The following LTBP3 variants were observed in gnomAD, a reference collection of about 807,000 sequenced individuals.
LTBP3 encodes the protein latent-transforming growth factor beta-binding protein 3.
LTBP3 carries 97 observed loss-of-function variants against 159.7 expected under a neutral mutation model. The observed-to-expected ratio is 0.61, with a 90% CI of 0.52 to 0.72. The LOEUF (loss-of-function observed/expected upper bound fraction) is 0.72, where lower values mean the gene tolerates loss of function less well. Among genes scored for constraint, LTBP3 ranks in the 30% least tolerant of loss-of-function variants. The pLI is 0.00. For synonymous variants in LTBP3, 824 were observed against 777.1 expected, an observed-to-expected ratio of 1.06 and a Z score of -1.00; for missense variants, 1,584 against 1,864.3, an observed-to-expected ratio of 0.85 and a Z score of 2.77.
At position 65,547,832 on chromosome 11, in the gene LTBP3, C is replaced by T; in HGVS notation, c.1847-11G>A. 1 of 1,613,232 alleles carries T rather than the reference C, an allele frequency of 6.2e-7. No homozygotes were observed. Among genetic ancestry groups the T allele is most frequent in the Non-Finnish European group, 8.5e-7 (1 of 1,179,916 alleles). ...CGCACTCGTTCACATCTGAGAAGAA[C>T]GGGTAGGCCAAGAAAAGTCAAAGGA... On this transcript the variant is annotated splice_polypyrimidine_tract_variant and intron_variant, in intron 12 of 27. Coordinates refer to ENST00000301873, the MANE Select transcript of LTBP3 (RefSeq NM_001130144.3). The surrounding 1 kb of genome is among the most constrained non-coding windows in gnomAD (Gnocchi z 4.6).
chr11:65,548,911 T>C (rs11601767), intron 11 of LTBP3: 63,481 of 151,984 alleles, frequency 0.42, 15,750 homozygotes, highest in African/African-American at 0.7. Context: ...GCCCTAACCC[T>C]AGGAGCTCAT....
At position 65,553,602 on chromosome 11, in the gene LTBP3, TC is replaced by T. The variant is rs1443585713; in HGVS notation, c.865-73del. The T allele has an allele frequency of 1.4e-5, 21 of 1,509,414 alleles. No homozygotes were observed. The East Asian group carries it at 4.3e-4, about 31-fold the overall frequency. The allele number at this position is 1,509,414 out of a possible 1,614,324, so 93.5% of individuals were successfully genotyped here. ...TGCCGCCTGTTAGGGTTGGGCCTTT[TC>T]CTCTTCCCCCGCCCCTCAGTTTTCT... is the stretch of plus-strand genomic sequence containing the variant. On this transcript the variant is annotated intron_variant, in intron 3 of 27. Transcript: ENST00000301873. This position sits in a 1 kb window ranked among gnomAD's most constrained non-coding sequence, Gnocchi z 6.5.
chr11:65,553,933 G>T lies in LTBP3; in HGVS notation c.662-30C>A, dbSNP rs893189892. The T allele has an allele frequency of 5.3e-6, 8 of 1,512,624 alleles. No individual in the cohort carries two copies. In the African/African-American group the frequency reaches 6.9e-5, roughly 13 times the overall value. The allele number at this position is 1,512,624 out of a possible 1,614,324, so 93.7% of individuals were successfully genotyped here. A position where few individuals can be genotyped will look rare whatever the true frequency, so the allele number is the denominator to read the frequency against. Reference sequence around the variant, plus strand: ...GGGCGGGCGCGGTGGCCTCAGGGCTGCCCGCACCGCGCCGCGGGTCACCGC... The same window carrying T: ...GGGCGGGCGCGGTGGCCTCAGGGCTTCCCGCACCGCGCCGCGGGTCACCGC... On this transcript the variant is annotated intron_variant, in intron 2 of 27. Transcript: ENST00000301873. This position sits in a 1 kb window ranked among gnomAD's most constrained non-coding sequence, Gnocchi z 6.5.
At chr11:65,555,741 G>C (rs994635690) in intron 1 of LTBP3, among the ~76,000 whole-genome samples, 6 of 152,106 alleles carry the variant, frequency 3.9e-5, no homozygotes, top group African/African-American at 1.4e-4. Flanking sequence ...ACCAGCCTTG[G>C]GGCTCTGACT....
Position 65,551,052 on chromosome 11 carries a change from G to T in LTBP3, c.1720+74C>A, listed in dbSNP as rs147421285. ...CCTATTAGCGCTAGGGAATGCCTGGGGGCGGGAGGGAGGAGAGAAAACTAA... is the reference window on the plus strand; with the variant it reads ...CCTATTAGCGCTAGGGAATGCCTGGTGGCGGGAGGGAGGAGAGAAAACTAA... On this transcript the variant is annotated intron_variant, in intron 11 of 27. Transcript: ENST00000301873. 18 of 1,217,936 alleles carry T rather than the reference G, an allele frequency of 1.5e-5. No homozygotes were observed. The Middle Eastern group carries it at 5.9e-4, about 40-fold the overall frequency. 75.4% of individuals were successfully genotyped at this position (1,217,936 alleles called of 1,614,324 possible).
intron 27 of LTBP3, 26 bp from the exon 28 acceptor site, chr11:65,539,257 C>T (rs768183945): frequency 3.9e-5 from 60 of 1,521,304 alleles, no homozygotes; most frequent in Non-Finnish European, 5.1e-5. Context: ...ACAGGTGCGG[C>T]TTCGCTGAGC....
In LTBP3 at chr11:65,540,641, C is replaced by G. The variant is rs1385848231; in HGVS notation, c.2978-27G>C. On this transcript the variant is annotated intron_variant, in intron 21 of 27. Coordinates refer to ENST00000301873, the MANE Select transcript of LTBP3 (RefSeq NM_001130144.3). ...TGCGGGGTGACAAACACTGGCCGCTCCGGTCCCGCAGCTGCAGCCCGGAGG... is the reference window on the plus strand; with the variant it reads ...TGCGGGGTGACAAACACTGGCCGCTGCGGTCCCGCAGCTGCAGCCCGGAGG... 2.5e-6 allele frequency: 4 copies of G among 1,597,056 alleles called. No homozygotes were observed. The South Asian group carries it at 4.4e-5, about 18-fold the overall frequency.
Position 65,554,191 on chromosome 11 carries a change from G to A in LTBP3, c.521C>T (p.Pro174Leu), listed in dbSNP as rs1417836408. ...LSTGALPPLA[P>L]EGDSVASKHA... ...CTTGCTGGCCACAGAGTCGCCCTCC[G>A]GAGCCAGGGGCGGCAGCGCCCCTGT... The change falls in exon 2 of 28, where the codon CCG becomes CTG. Residue 174 changes from proline to leucine, a missense_variant. By Grantham distance (98) the Pro-to-Leu change is moderately conservative (BLOSUM62 -3). Coordinates refer to ENST00000301873, the MANE Select transcript of LTBP3 (RefSeq NM_001130144.3). This position sits in a 1 kb window ranked among gnomAD's most constrained non-coding sequence, Gnocchi z 5.3. The A allele has an allele frequency of 1.9e-5, 30 of 1,611,382 alleles. No individual in the cohort carries two copies. The highest frequency in any genetic ancestry group is 2.3e-5 in the Non-Finnish European group (27 of 1,179,540).
chr11:65,538,844 T>G lies in LTBP3; in HGVS notation c.*236A>C. Reference sequence around the variant, plus strand: ...AAAGAGGCACGATCTGATTTATCAGTTTCTAGGAAACACCCTCTGGGAGGA... The same window carrying G: ...AAAGAGGCACGATCTGATTTATCAGGTTCTAGGAAACACCCTCTGGGAGGA... On this transcript the variant is annotated 3_prime_UTR_variant, in exon 28 of 28. Coordinates refer to ENST00000301873, the MANE Select transcript of LTBP3 (RefSeq NM_001130144.3). 1 of 834,280 alleles carries G rather than the reference T, an allele frequency of 1.2e-6. No homozygotes were observed. Among genetic ancestry groups the G allele is most frequent in the South Asian group, 2.4e-5 (1 of 41,854 alleles). 51.7% of individuals were successfully genotyped at this position (834,280 alleles called of 1,614,324 possible).
At chr11:65,542,995 T>A in intron 18 of LTBP3, 110 bp downstream of exon 18, 6 of 1,379,788 alleles carry the variant, frequency 4.3e-6, no homozygotes, top group Non-Finnish European at 5.1e-6. Context: ...GATGGATGGA[T>A]GAAGGATGGT....
chr11:65,543,219 C>G lies in LTBP3; in HGVS notation c.2482G>C (p.Asp828His), dbSNP rs760883878. 1.2e-5 allele frequency: 20 copies of G among 1,613,986 alleles called. No homozygotes were observed. The highest frequency in any genetic ancestry group is 5.0e-5 in the Admixed American group (3 of 59,996). Residue 828 changes from aspartate to histidine, a missense_variant, in exon 18 of 28, where the codon GAT becomes CAT. Physicochemically the swap from Asp to His is moderately conservative, Grantham distance 81. Coordinates refer to ENST00000301873, the MANE Select transcript of LTBP3 (RefSeq NM_001130144.3). ...CAGGCTGCAGGGAAGTCACACTCAT[C>G]AATGTCTGTAGGGGATGGAAGGGGT... The part of the protein sequence containing the change: ...SRDRSHCEDI[D>H]ECDFPAACIG...
At chr11:65,548,265 C>G (rs1357840779) in intron 11 of LTBP3, 2 of 671,904 alleles carry the variant, frequency 3.0e-6, no homozygotes, top group Non-Finnish European at 5.2e-6. Flanking sequence ...CCGTATCACC[C>G]CACACCCAGG....
chr11:65,540,563 C>T lies in LTBP3; in HGVS notation c.3029G>A (p.Cys1010Tyr). Residue 1010 changes from cysteine (C) to tyrosine (Y), a missense_variant, in exon 22 of 28, where the codon TGC becomes TAC. Cys to Tyr is a radical substitution (Grantham distance 194). Transcript: ENST00000301873. ...FGSEICKEGK[C>Y]VNTQPGYECY... ...CTCGTAGCCAGGCTGCGTGTTCACG[C>T]ACTTGCCCTCCTTGCAAATCTCCGA... The T allele has an allele frequency of 1.2e-6, 2 of 1,613,908 alleles. No individual in the cohort carries two copies. The highest frequency in any genetic ancestry group is 8.5e-7 in the Non-Finnish European group (1 of 1,179,918).
chr11:65,545,466 C>A (rs746703194), intron 16 of LTBP3: 1 of 231,946 alleles, frequency 4.3e-6, no homozygotes, highest in Non-Finnish European at 8.5e-6. Flanking sequence ...CCCAAACATG[C>A]CCACGCATGA....
chr11:65,543,040 A>T, intron 18 of LTBP3, 65 bp downstream of exon 18: 1 of 1,604,972 alleles, frequency 6.2e-7, no homozygotes, highest in Non-Finnish European at 8.5e-7. Context: ...GAAAGGCCAC[A>T]GTGTGTCTAG....
In LTBP3 at chr11:65,541,231, C is replaced by G. The variant is rs748291285; in HGVS notation, c.2788G>C (p.Asp930His). The G allele has an allele frequency of 3.7e-6, 6 of 1,613,786 alleles. No homozygotes were observed. Among genetic ancestry groups the G allele is most frequent in the Non-Finnish European group, 5.1e-6 (6 of 1,180,012 alleles). The change falls in exon 20 of 28, where the codon GAC becomes CAC. Residue 930 changes from aspartate (D) to histidine (H), a missense_variant. Physicochemically the swap from Asp to His is moderately conservative, Grantham distance 81 (BLOSUM62 -1). Around this residue, in one of 6 missense-constraint regions of LTBP3, gnomAD observed 565 missense variants for 677.7 expected, o/e 0.83. Transcript: ENST00000301873. ...GTCACGTTGGTGGCCAATACGCTGT[C>G]GCAGAACACTGTGTCATCGAAGTTC... The part of the protein sequence containing the change: ...YLNFDDTVFC[D>H]SVLATNVTQQ...
At position 65,539,890 on chromosome 11, in the gene LTBP3, G is replaced by A; in HGVS notation, c.3386-9C>T. ...CCGCTCCGGGGCACGCTCTGCGGAA[G>A]ACACCTGGCATCAGGGGAGGGGCCC... On this transcript the variant is annotated splice_polypyrimidine_tract_variant and intron_variant, in intron 24 of 27. Coordinates refer to ENST00000301873, the MANE Select transcript of LTBP3 (RefSeq NM_001130144.3). 6.6e-7 allele frequency: 1 copy of A among 1,509,562 alleles called. No individual in the cohort carries two copies. Among genetic ancestry groups the A allele is most frequent in the Non-Finnish European group, 8.8e-7 (1 of 1,136,236 alleles). The allele number at this position is 1,509,562 out of a possible 1,614,324, so 93.5% of individuals were successfully genotyped here.
rs549638427 is a variant in LTBP3 at position 65,554,948 on chromosome 11, C to G, written c.332-568G>C. Among the ~76,000 whole-genome samples, 11 of 152,240 alleles carry G rather than the reference C, an allele frequency of 7.2e-5. No homozygotes were observed. In the South Asian group the frequency reaches 8.3e-4, roughly 11 times the overall value. On this transcript the variant is annotated intron_variant, in intron 1 of 27. Transcript: ENST00000301873. The surrounding 1 kb of genome is among the most constrained non-coding windows in gnomAD (Gnocchi z 5.3). ...ATGTCCACATCTCAAGACACAGACA[C>G]AGCCCCCAGCCTTTCCAGGGCTCTC...
At position 65,557,678 on chromosome 11, in the gene LTBP3, T is replaced by C; in HGVS notation, c.282A>G (p.Gly94=). ...CQQGSNMTLI[G]ENGHSTDTLT... ...GCGTGTCTGTGCTGTGGCCGTTCTC[T>C]CCGATGAGCGTCATGTTGGAGCCCT... Residue 94 remains glycine, a synonymous_variant, in exon 1 of 28, where the codon GGA becomes GGG. Transcript: ENST00000301873. 2 of 1,610,886 alleles carry C rather than the reference T, an allele frequency of 1.2e-6. No homozygotes were observed. The highest frequency in any genetic ancestry group is 1.7e-6 in the Non-Finnish European group (2 of 1,179,880).
Sources: allele counts gnomAD v4.1 joint callset (sites outside exome capture counted in the v4.1 genomes callset), GRCh38; gene constraint gnomAD v4.1.1; regional missense constraint gnomAD v4.1.1; non-coding constraint Gnocchi (gnomAD v3.1); transcripts MANE v1.5; gene names NCBI Gene and HGNC (gene_info 2026-07-23, HGNC 2026-07-21).